ARHGAP8: variants seen among roughly 807,000 people sequenced by gnomAD.
ARHGAP8 encodes rho GTPase-activating protein 8.
ARHGAP8 carries 62 observed loss-of-function variants against 46.1 expected under a neutral mutation model. The ratio of observed to expected loss-of-function variants is 1.34; its 90% CI spans 1.10 to 1.66. The LOEUF is 1.66. ARHGAP8 is among the 40% of genes most tolerant of loss of function. The pLI, the probability that ARHGAP8 is intolerant of heterozygous loss-of-function variation, is 0.00. For missense variants in ARHGAP8, 923 were observed against 568.4 expected (o/e 1.62, Z -6.34); for synonymous variants, 375 against 243.1 (o/e 1.54, Z -5.05).
chr22:44,809,112 T>C, intron 4 of ARHGAP8: 1 of 470,766 alleles, frequency 2.1e-6, no homozygotes, highest in South Asian at 1.5e-5. Context: ...GGAGCCACCA[T>C]GCCAAGCCAA....
intron 1 of ARHGAP8, among the ~76,000 whole-genome samples, chr22:44,760,633 A>G (rs1925060509): frequency 6.6e-6 from 1 of 152,248 alleles, no homozygotes; most frequent in African/African-American, 2.4e-5. Context: ...CGAGGTAAGT[A>G]GGTGTTAATT....
rs769010356 is a variant in ARHGAP8, at chr22:44,800,100, CTTTTTTTTT to C, written c.80-1964_80-1956del. On this transcript the variant is annotated intron_variant, in intron 2 of 11. Transcript: ENST00000356099. ...CCTCTCCTTCAGGAGTCTGTTCTGTCTTTTTTTTTTTTTTTTTTTTTGAGACAAATTCTT... is the reference window on the plus strand; with the variant it reads ...CCTCTCCTTCAGGAGTCTGTTCTGTCTTTTTTTTTTTTGAGACAAATTCTT... Among the ~76,000 whole-genome samples, 770 of 92,556 alleles carry C rather than the reference CTTTTTTTTT, an allele frequency of 8.3e-3. 9 individuals are homozygous for C. The highest frequency in any genetic ancestry group is 0.037 in the African/African-American group (741 of 20,086). The allele number at this position is 92,556 out of a possible 152,430, so 60.7% of individuals were successfully genotyped here.
chr22:44,816,980 G>C (rs1043367235), intron 5 of ARHGAP8, among the ~76,000 whole-genome samples: 2 of 151,182 alleles, frequency 1.3e-5, no homozygotes, highest in African/African-American at 4.9e-5. Flanking sequence ...CTGCCTCCTG[G>C]GTTCAAGCGA....
chr22:44,752,989 A>T (rs537797181), intron 1 of ARHGAP8, among the ~76,000 whole-genome samples: 1 of 151,208 alleles, frequency 6.6e-6, no homozygotes, highest in South Asian at 2.1e-4. Flanking sequence ...TGTCAGCTCA[A>T]ATGTTCCTTT....
At chr22:44,786,638 A>G in intron 2 of ARHGAP8, 32 bp downstream of exon 2, 1 of 1,602,008 alleles carries the variant, frequency 6.2e-7, no homozygotes, top group Non-Finnish European at 8.5e-7. Context: ...CTGCAGGACC[A>G]TGGGCAGAGC....
intron 1 of ARHGAP8, among the ~76,000 whole-genome samples, chr22:44,779,246 C>A (rs929744171): frequency 5.9e-5 from 9 of 151,504 alleles, no homozygotes; most frequent in East Asian, 2.0e-4. Flanking sequence ...ATTACAGGTC[C>A]CCACCATCCA....
intron 2 of ARHGAP8, among the ~76,000 whole-genome samples, chr22:44,801,125 GCAGCTGTCCATGTGTGGGGGCA>G: frequency 2.2e-5 from 1 of 45,700 alleles, no homozygotes; most frequent in African/African-American, 1.3e-4. Context: ...ACCTCTCCCC[GCAGCTGTCCATGTGTGGGGGCA>G]CCTCTCCCCG....
chr22:44,797,950 G>A (rs1359452684), intron 2 of ARHGAP8, among the ~76,000 whole-genome samples: 1 of 150,062 alleles, frequency 6.7e-6, no homozygotes, highest in Non-Finnish European at 1.5e-5. Context: ...TGGGATTACA[G>A]GCGTGAGCCA....
At chr22:44,773,514 G>A (rs1223910553) in intron 1 of ARHGAP8, among the ~76,000 whole-genome samples, 3 of 152,158 alleles carry the variant, frequency 2.0e-5, no homozygotes, top group East Asian at 1.9e-4. Flanking sequence ...TACTTCACAG[G>A]ACAGATGTTT....
chr22:44,839,775 G>C (rs774696331), intron 7 of ARHGAP8, among the ~76,000 whole-genome samples: 1 of 152,224 alleles, frequency 6.6e-6, no homozygotes, highest in African/African-American at 2.4e-5. Flanking sequence ...CGAGTCTTCC[G>C]TTACCTGTTA....
At chr22:44,784,928 C>T (rs957086215) in intron 1 of ARHGAP8, among the ~76,000 whole-genome samples, 1 of 152,202 alleles carries the variant, frequency 6.6e-6, no homozygotes, top group Non-Finnish European at 1.5e-5. Context: ...CCCTGGGACC[C>T]TCACACCTGT....
At position 44,792,200 on chromosome 22, in the gene ARHGAP8, T is replaced by C. The variant is rs185792589; in HGVS notation, c.79+5594T>C. Among the ~76,000 whole-genome samples the C allele has an allele frequency of 1.5e-3, 221 of 152,130 alleles. 1 individual carries two copies. Among genetic ancestry groups the C allele is most frequent in the African/African-American group, 5.2e-3 (218 of 41,528 alleles). ...CTAATTTTTGTATTTTTAGTAGAGA[T>C]GGGGTTTCATCATGTTGGTCAGGCT... On this transcript the variant is annotated intron_variant, in intron 2 of 11. Transcript: ENST00000356099.
At chr22:44,855,020 A>AGTTCTTTTC (rs2070187525) in intron 10 of ARHGAP8, among the ~76,000 whole-genome samples, 2 of 150,072 alleles carry the variant, frequency 1.3e-5, no homozygotes, top group African/African-American at 2.5e-5. Context: ...AGAACTTGAA[A>AGTTCTTTTC]AGAATGTTTG....
chr22:44,822,608 G>T (rs982030951), intron 6 of ARHGAP8, 139 bp downstream of exon 6: 3 of 709,258 alleles, frequency 4.2e-6, no homozygotes, highest in Admixed American at 4.2e-5. Context: ...CTGCGGCATC[G>T]ACAAAGATCC....
intron 2 of ARHGAP8, among the ~76,000 whole-genome samples, chr22:44,794,498 C>CA (rs1163937184): frequency 6.6e-6 from 1 of 152,064 alleles, no homozygotes; most frequent in African/African-American, 2.4e-5. Flanking sequence ...ATCATGAAGT[C>CA]AGGAGTTCGA....
At position 44,825,639 on chromosome 22, in the gene ARHGAP8, G is replaced by A. The variant is rs1930458147; in HGVS notation, c.596+46G>A. ...CCTGCTCCTATGCCCTGGAGCCCTG[G>A]GAGCTGTGGGGCGCTTCTGGGTCCA... On this transcript the variant is annotated intron_variant, in intron 7 of 11. Transcript: ENST00000356099. 6 of 1,567,960 alleles carry A rather than the reference G, an allele frequency of 3.8e-6. No individual in the cohort carries two copies. The South Asian group carries it at 5.7e-5, about 15-fold the overall frequency.
intron 3 of ARHGAP8, among the ~76,000 whole-genome samples, chr22:44,806,643 C>T (rs957708006): frequency 6.6e-6 from 1 of 152,072 alleles, no homozygotes; most frequent in Non-Finnish European, 1.5e-5. Flanking sequence ...TCAGAGGGCA[C>T]TCTGACATCA....
At chr22:44,753,247 C>A (rs1390930342) in intron 1 of ARHGAP8, among the ~76,000 whole-genome samples, 4 of 150,260 alleles carry the variant, frequency 2.7e-5, no homozygotes, top group African/African-American at 4.9e-5. Flanking sequence ...TTTTTGACAC[C>A]GAGTCTTGCT....
chr22:44,849,888 G>A (rs2070052213), intron 10 of ARHGAP8: 1 of 152,200 alleles, frequency 6.6e-6, no homozygotes, highest in Non-Finnish European at 1.5e-5. Context: ...CCCCTGGGGG[G>A]TGACTTCTGA....
Sources: allele counts gnomAD v4.1 joint callset (sites outside exome capture counted in the v4.1 genomes callset), GRCh38; gene constraint gnomAD v4.1.1; transcripts MANE v1.5; gene names NCBI Gene and HGNC (gene_info 2026-07-23, HGNC 2026-07-21).